CEP85L: variants seen among roughly 807,000 people sequenced by gnomAD.
The protein encoded by CEP85L is centrosomal protein of 85 kDa-like.
In CEP85L, 60 loss-of-function variants were observed where a neutral mutation model predicts 100.3. That is an observed-to-expected ratio of 0.60 (90% confidence interval 0.49 to 0.74). CEP85L has a LOEUF of 0.74. Among genes scored for constraint, CEP85L ranks in the 30% least tolerant of loss-of-function variants. The probability of loss-of-function intolerance (pLI) is 0.00; values close to 1 mark genes in which losing one functional copy is unlikely to be tolerated. For missense variants in CEP85L, 973 were observed against 936.2 expected, an observed-to-expected ratio of 1.04 and a Z score of -0.51; for synonymous variants, 319 against 322.7, an observed-to-expected ratio of 0.99 and a Z score of 0.12.
chr6:118,705,483 G>A (rs147966874), intron 1 of CEP85L, among the ~76,000 whole-genome samples: 3 of 152,286 alleles, frequency 2.0e-5, no homozygotes, highest in Non-Finnish European at 4.4e-5. Flanking sequence ...CCTTGACCCC[G>A]GAACCAAATC....
intron 2 of CEP85L, among the ~76,000 whole-genome samples, chr6:118,585,301 G>A (rs376606000): frequency 5.5e-4 from 84 of 152,254 alleles, no homozygotes; most frequent in African/African-American, 4.6e-4. Flanking sequence ...TCTTACCACC[G>A]ATGGATCTCC....
chr6:118,515,865 C>T (rs183516691), intron 4 of CEP85L, among the ~76,000 whole-genome samples: 67 of 152,260 alleles, frequency 4.4e-4, no homozygotes, highest in Non-Finnish European at 2.8e-4. Context: ...ACATCATCTA[C>T]ATTAGGTATT....
intron 1 of CEP85L, among the ~76,000 whole-genome samples, chr6:118,682,435 T>G (rs978574498): frequency 2.0e-5 from 3 of 152,130 alleles, no homozygotes; most frequent in Non-Finnish European, 4.4e-5. Flanking sequence ...GTTTTGGTAC[T>G]TTATTTAAGT....
chr6:118,467,496 C>A (rs1352797249), intron 12 of CEP85L, among the ~76,000 whole-genome samples: 1 of 152,060 alleles, frequency 6.6e-6, no homozygotes, highest in Non-Finnish European at 1.5e-5. Context: ...ACTGGTTTTT[C>A]ACAAATCAAC....
At chr6:118,607,280 G>A (rs1562304196) in intron 2 of CEP85L, among the ~76,000 whole-genome samples, 1 of 152,268 alleles carries the variant, frequency 6.6e-6, no homozygotes, top group East Asian at 1.9e-4. Flanking sequence ...GATAGGAAAG[G>A]AAAAGTAGAG....
At chr6:118,511,471 G>A (rs568938612) in intron 4 of CEP85L, 56 bp from the exon 5 acceptor site, 2 of 1,070,078 alleles carry the variant, frequency 1.9e-6, no homozygotes, top group African/African-American at 1.6e-5. Context: ...ATAGTTAGAA[G>A]AACCTTAAGG....
At chr6:118,663,465 T>C (rs1583238886) in intron 1 of CEP85L, among the ~76,000 whole-genome samples, 1 of 152,190 alleles carries the variant, frequency 6.6e-6, no homozygotes, top group South Asian at 2.1e-4. Context: ...TGAGTAATGA[T>C]TGTGATGTAA....
upstream of CEP85L, among the ~76,000 whole-genome samples, chr6:118,655,979 C>T (rs1300317144): frequency 1.3e-5 from 2 of 152,190 alleles, no homozygotes; most frequent in Non-Finnish European, 2.9e-5. Context: ...CATGCCTTTT[C>T]CGCCATGCTC....
At chr6:118,567,241 G>GTATATA (rs1779588263) in intron 2 of CEP85L, among the ~76,000 whole-genome samples, 2 of 38,130 alleles carry the variant, frequency 5.2e-5, no homozygotes, top group Admixed American at 2.9e-4. Flanking sequence ...GTGTGTGTGT[G>GTATATA]TGTGTGTGTA....
chr6:118,520,354 T>A (rs1393637260), intron 4 of CEP85L, among the ~76,000 whole-genome samples: 2 of 152,222 alleles, frequency 1.3e-5, no homozygotes, highest in African/African-American at 4.8e-5. Flanking sequence ...GAGATTAGAT[T>A]GCAGGATACA....
At chr6:118,492,909 G>A (rs1228820855) in intron 5 of CEP85L, among the ~76,000 whole-genome samples, 1 of 152,106 alleles carries the variant, frequency 6.6e-6, no homozygotes, top group Non-Finnish European at 1.5e-5. Context: ...AGGTAAGCAT[G>A]CAACTCAACC....
chr6:118,567,209 ATGTGTGTGTGTGTG>A (rs68047463), intron 2 of CEP85L, among the ~76,000 whole-genome samples: 4,306 of 88,892 alleles, frequency 0.048, 226 homozygotes, highest in East Asian at 0.14. Flanking sequence ...ATATATATGT[ATGTGTGTGTGTGTG>A]TGTGTGTGTG....
intron 2 of CEP85L, among the ~76,000 whole-genome samples, chr6:118,599,426 T>C (rs1356085329): frequency 6.6e-6 from 1 of 152,170 alleles, no homozygotes; most frequent in Non-Finnish European, 1.5e-5. Context: ...ACATAGTCTA[T>C]ACTGGCATAA....
chr6:118,523,470 G>A (rs899264913), intron 4 of CEP85L, among the ~76,000 whole-genome samples: 2 of 152,132 alleles, frequency 1.3e-5, no homozygotes, highest in Non-Finnish European at 2.9e-5. Flanking sequence ...AGTTCTCAAG[G>A]GTTAAAACAC....
intron 2 of CEP85L, among the ~76,000 whole-genome samples, chr6:118,609,708 G>A (rs571044222): frequency 8.8e-4 from 133 of 151,848 alleles, no homozygotes; most frequent in Non-Finnish European, 1.6e-3. Flanking sequence ...AACAAAGGGC[G>A]TTAAATATTG....
chr6:118,600,824 T>C (rs1333860125), intron 2 of CEP85L, among the ~76,000 whole-genome samples: 2 of 151,696 alleles, frequency 1.3e-5, no homozygotes, highest in African/African-American at 4.8e-5. Flanking sequence ...AATCTTGAGT[T>C]TTAGTGGGAT....
At chr6:118,658,181 A>G (rs1314929509) in intron 1 of CEP85L, among the ~76,000 whole-genome samples, 9 of 152,196 alleles carry the variant, frequency 5.9e-5, no homozygotes, top group African/African-American at 2.2e-4. Context: ...GACAAGTCTA[A>G]CTACAATTTT....
At chr6:118,632,647 T>A in intron 1 of CEP85L, 36 bp from the exon 2 acceptor site, 1 of 1,559,112 alleles carries the variant, frequency 6.4e-7, no homozygotes, top group South Asian at 1.2e-5. Context: ...AACACATATA[T>A]CTGAGTAGGC....
At chr6:118,574,737 G>C (rs1401687524) in intron 2 of CEP85L, among the ~76,000 whole-genome samples, 1 of 151,836 alleles carries the variant, frequency 6.6e-6, no homozygotes, top group Non-Finnish European at 1.5e-5. Flanking sequence ...AAAAGCCAGG[G>C]GGCAGCAGGA....
Sources: gnomAD v4.1 joint callset for allele counts (sites outside exome capture counted in the v4.1 genomes callset) on GRCh38, gnomAD v4.1.1 for gene constraint, MANE v1.5 for transcripts, NCBI Gene and HGNC (gene_info 2026-07-23, HGNC 2026-07-21) for gene names.